MAML3: variants seen among roughly 807,000 people sequenced by gnomAD.
MAML3 encodes mastermind-like protein 3.
A neutral mutation model predicts 101.9 loss-of-function variants in MAML3; 27 were observed. That is an observed-to-expected ratio of 0.27 (90% confidence interval 0.20 to 0.37). The LOEUF is 0.37. MAML3 is among the 10% of genes least tolerant of loss of function. The pLI is 1.00. For synonymous variants in MAML3, 501 were observed against 555.9 expected (o/e 0.90, Z 1.39); for missense variants, 1,316 against 1,444.9 (o/e 0.91, Z 1.45).
chr4:139,893,524 G>A (rs1450419079), intron 1 of MAML3, among the ~76,000 whole-genome samples: 2 of 152,128 alleles, frequency 1.3e-5, no homozygotes, highest in African/African-American at 4.8e-5. Flanking sequence ...CCAGTCCTCA[G>A]GTTCATGGCA....
At chr4:139,927,970 C>T (rs1246385628) in intron 1 of MAML3, among the ~76,000 whole-genome samples, 1 of 152,136 alleles carries the variant, frequency 6.6e-6, no homozygotes, top group Admixed American at 6.5e-5. Flanking sequence ...TGGGCTGTTG[C>T]TTTTAGGCCT....
At chr4:140,094,928 A>T (rs1467271) in intron 1 of MAML3, among the ~76,000 whole-genome samples, 1 of 152,202 alleles carries the variant, frequency 6.6e-6, no homozygotes, top group Non-Finnish European at 1.5e-5. Flanking sequence ...CCACCCTTCT[A>T]GCTGTGCGTG....
chr4:139,771,401 A>C (rs1161883588), intron 2 of MAML3, among the ~76,000 whole-genome samples: 1 of 152,232 alleles, frequency 6.6e-6, no homozygotes, highest in African/African-American at 2.4e-5. Flanking sequence ...TCAATGCATA[A>C]ATAAAACATC....
intron 1 of MAML3, among the ~76,000 whole-genome samples, chr4:139,891,230 T>A (rs1320099681): frequency 6.6e-6 from 1 of 152,122 alleles, no homozygotes; most frequent in East Asian, 1.9e-4. Flanking sequence ...AAAGAGATAG[T>A]TAATAAGGGC....
chr4:140,137,078 T>C (rs991759504), intron 1 of MAML3, among the ~76,000 whole-genome samples: 1 of 152,244 alleles, frequency 6.6e-6, no homozygotes, highest in Non-Finnish European at 1.5e-5. Flanking sequence ...AGGCTCCGCC[T>C]CCCGGGTTCA....
At chr4:140,072,140 T>C (rs1428441642) in intron 1 of MAML3, among the ~76,000 whole-genome samples, 1 of 152,184 alleles carries the variant, frequency 6.6e-6, no homozygotes, top group Non-Finnish European at 1.5e-5. Flanking sequence ...GTAGCTGCCA[T>C]AATCCTTCCT....
chr4:140,060,412 C>A (rs1343192817), intron 1 of MAML3, among the ~76,000 whole-genome samples: 2 of 135,736 alleles, frequency 1.5e-5, no homozygotes, highest in Non-Finnish European at 3.1e-5. Context: ...CAAAGTCAGG[C>A]CTGTGAATCA....
At chr4:140,067,278 T>A (rs575992748) in intron 1 of MAML3, among the ~76,000 whole-genome samples, 39 of 152,082 alleles carry the variant, frequency 2.6e-4, no homozygotes, top group African/African-American at 7.7e-4. Context: ...TAGAAAAACA[T>A]CTAAGACTCT....
Position 139,720,258 on chromosome 4 carries a change from G to T in MAML3, c.2482C>A (p.Leu828Met), listed in dbSNP as rs779168996. The T allele has an allele frequency of 2.5e-6, 4 of 1,596,272 alleles. No individual in the cohort carries two copies. Among genetic ancestry groups the T allele is most frequent in the Non-Finnish European group, 3.4e-6 (4 of 1,168,778 alleles). ...ATCATGCCTGCGTTCTGTGCCATCA[G>T]CCGTGACGTTCGCATGCTCTGGAGG... ...AALQSMRTSR[L>M]MAQNAGMMGI... The change falls in exon 5 of 5, where the codon CTG (leucine) becomes ATG (methionine). Residue 828 changes from leucine (L) to methionine (M), a missense_variant. By Grantham distance (15) the Leu-to-Met change is conservative (BLOSUM62 2). Coordinates refer to ENST00000509479, the MANE Select transcript of MAML3 (RefSeq NM_018717.5).
rs138697508 is a variant in MAML3 at position 139,727,277 on chromosome 4, T to C, written c.2332-1442A>G. On this transcript the variant is annotated intron_variant, in intron 3 of 4. Transcript: ENST00000509479. Reference sequence around the variant, plus strand: ...ACAGAAAACTGTTGAAATTAATTGATTGTGTAGACCATTAAAGTGTAGACA... The same window carrying C: ...ACAGAAAACTGTTGAAATTAATTGACTGTGTAGACCATTAAAGTGTAGACA... 7.0e-4 allele frequency among the ~76,000 whole-genome samples: 107 copies of C among 152,364 alleles called. No homozygotes were observed. In the East Asian group the frequency reaches 0.019, roughly 27 times the overall value.
At chr4:139,880,860 G>A (rs193057433) in intron 2 of MAML3, among the ~76,000 whole-genome samples, 15 of 152,222 alleles carry the variant, frequency 9.9e-5, no homozygotes, top group Admixed American at 8.5e-4. Flanking sequence ...GGCTTCCTCC[G>A]ATGCTCCAGT....
intron 2 of MAML3, among the ~76,000 whole-genome samples, chr4:139,830,048 G>C (rs996142294): frequency 1.3e-5 from 2 of 152,178 alleles, no homozygotes; most frequent in African/African-American, 4.8e-5. Context: ...CTATGAAAAA[G>C]GGGTAGATTT....
At chr4:139,795,807 A>C (rs2111096752) in intron 2 of MAML3, among the ~76,000 whole-genome samples, 1 of 152,202 alleles carries the variant, frequency 6.6e-6, no homozygotes, top group Non-Finnish European at 1.5e-5. Context: ...GAGATGTAAA[A>C]CCCTTCTGGA....
intron 1 of MAML3, among the ~76,000 whole-genome samples, chr4:140,106,115 GAAAAA>G (rs59770042): frequency 1.1e-3 from 97 of 90,104 alleles, no homozygotes; most frequent in African/African-American, 3.9e-3. Context: ...CTGACTTCAA[GAAAAA>G]AAAAAAAAAA....
chr4:140,131,208 G>C (rs1347159196), intron 1 of MAML3, among the ~76,000 whole-genome samples: 2 of 152,208 alleles, frequency 1.3e-5, no homozygotes, highest in Non-Finnish European at 2.9e-5. Flanking sequence ...ATTTAAGGTA[G>C]TACCAATAAC....
At chr4:139,904,932 A>T (rs1047902375) in intron 1 of MAML3, among the ~76,000 whole-genome samples, 1 of 152,246 alleles carries the variant, frequency 6.6e-6, no homozygotes, top group African/African-American at 2.4e-5. Context: ...AAAACATGAA[A>T]AATGTGGCGT....
chr4:139,901,799 A>G (rs1263894212), intron 1 of MAML3, among the ~76,000 whole-genome samples: 1 of 152,230 alleles, frequency 6.6e-6, no homozygotes, highest in Admixed American at 6.5e-5. Flanking sequence ...TATTTCAGGG[A>G]GGCTGAGTAT....
rs576558949 is a variant in MAML3 at position 139,935,391 on chromosome 4, C to T, written c.469-44424G>A. Among the ~76,000 whole-genome samples, 7 of 152,154 alleles carry T rather than the reference C, an allele frequency of 4.6e-5. No individual in the cohort carries two copies. The South Asian group carries it at 8.3e-4, about 18-fold the overall frequency. ...TTTAAAGTTATAAATAAATAACATA[C>T]GTGAAATAGATTTAAGCAATAAAAA... On this transcript the variant is annotated intron_variant, in intron 1 of 4. Transcript: ENST00000509479.
At chr4:139,935,073 A>G (rs74694148) in intron 1 of MAML3, among the ~76,000 whole-genome samples, 5,084 of 152,212 alleles carry the variant, frequency 0.033, 264 homozygotes, top group African/African-American at 0.11. Flanking sequence ...CTCAATTAGA[A>G]GGTATTAATC....
Sources: allele counts gnomAD v4.1 joint callset (sites outside exome capture counted in the v4.1 genomes callset), GRCh38; gene constraint gnomAD v4.1.1; transcripts MANE v1.5; gene names NCBI Gene and HGNC (gene_info 2026-07-23, HGNC 2026-07-21).